The following TMEM135 variants were observed in gnomAD, a reference collection of about 807,000 sequenced individuals.
TMEM135 encodes the protein transmembrane protein 135, also known as peroxisomal membrane protein 52.
TMEM135 carries 30 observed loss-of-function variants against 60.3 expected under a neutral mutation model. That is an observed-to-expected ratio of 0.50 (90% confidence interval 0.37 to 0.68). The LOEUF is 0.68. Ranked by LOEUF, TMEM135 falls within the 30% of genes least tolerant of loss-of-function variation. TMEM135 has a pLI of 0.00. For synonymous variants in TMEM135, 190 were observed against 186.7 expected, an observed-to-expected ratio of 1.02 and a Z score of -0.14; for missense variants, 468 against 548.8, an observed-to-expected ratio of 0.85 and a Z score of 1.47.
chr11:87,069,163 G>C (rs1379927176), intron 2 of TMEM135, among the ~76,000 whole-genome samples: 1 of 151,528 alleles, frequency 6.6e-6, no homozygotes, highest in Non-Finnish European at 1.5e-5. Context: ...GCATGCGCCT[G>C]TAGTCCCATC....
chr11:87,043,560 T>A (rs902159838), intron 1 of TMEM135, among the ~76,000 whole-genome samples: 2 of 151,786 alleles, frequency 1.3e-5, no homozygotes, highest in African/African-American at 4.9e-5. Flanking sequence ...CCGTCTCTAC[T>A]AAAAATACAA....
intron 4 of TMEM135, among the ~76,000 whole-genome samples, chr11:87,118,418 TG>T (rs796173662): frequency 2.6e-4 from 40 of 152,212 alleles, no homozygotes; most frequent in African/African-American, 9.4e-4. Context: ...TCAACAATCT[TG>T]GCTAGATCTT....
chr11:87,049,643 C>T (rs1949824209), intron 1 of TMEM135, among the ~76,000 whole-genome samples: 1 of 111,370 alleles, frequency 9.0e-6, no homozygotes, highest in East Asian at 2.7e-4. Context: ...GCACCCAATA[C>T]AGGAGCACCC....
At chr11:87,132,373 G>A (rs952525282) in intron 4 of TMEM135, among the ~76,000 whole-genome samples, 5 of 152,082 alleles carry the variant, frequency 3.3e-5, no homozygotes, top group African/African-American at 4.8e-5. Context: ...TGTTATTAGA[G>A]TTTTGCATAG....
chr11:87,120,520 G>A (rs1418487833), intron 4 of TMEM135, among the ~76,000 whole-genome samples: 1 of 124,984 alleles, frequency 8.0e-6, no homozygotes, highest in East Asian at 2.6e-4. Context: ...CACCCAGGCT[G>A]GATTGCAGTG....
At chr11:87,096,524 T>A (rs1011814391) in intron 4 of TMEM135, 2 of 152,314 alleles carry the variant, frequency 1.3e-5, no homozygotes, top group Non-Finnish European at 2.9e-5. Context: ...ATTGATCACA[T>A]ATGCTTTAAT....
chr11:87,100,119 T>G (rs1041383595), intron 4 of TMEM135, among the ~76,000 whole-genome samples: 3 of 152,198 alleles, frequency 2.0e-5, no homozygotes, highest in African/African-American at 7.2e-5. Flanking sequence ...CTGTAAATTT[T>G]AGTATTAGAA....
intron 5 of TMEM135, among the ~76,000 whole-genome samples, chr11:87,205,222 A>G (rs992693986): frequency 1.3e-5 from 2 of 152,228 alleles, no homozygotes; most frequent in African/African-American, 4.8e-5. Context: ...TAAATAAGAC[A>G]TGGGAGCATG....
At chr11:87,219,892 C>G (rs557938918) in intron 5 of TMEM135, among the ~76,000 whole-genome samples, 14 of 152,184 alleles carry the variant, frequency 9.2e-5, no homozygotes. Context: ...AATATGCAAA[C>G]TTTTCTTCTA....
rs773352717 is a variant in TMEM135, at chr11:87,324,942, A to G, written c.*3609A>G. The G allele has an allele frequency of 2.9e-5, 13 of 454,070 alleles. No homozygotes were observed. Among genetic ancestry groups the G allele is most frequent in the South Asian group, 2.0e-4 (13 of 64,474 alleles). 28.1% of individuals were successfully genotyped at this position (454,070 alleles called of 1,614,324 possible). A position where few individuals can be genotyped will look rare whatever the true frequency, so the allele number is the denominator to read the frequency against. ...AAAAAATACAAGAAAAGGAATAAGA[A>G]GTGATTATTTTCTTTAGGGCTGCAC... On this transcript the variant is annotated 3_prime_UTR_variant, in exon 15 of 15. Coordinates refer to ENST00000305494, the MANE Select transcript of TMEM135 (RefSeq NM_022918.4).
At chr11:87,040,257 C>A (rs1487544860) in intron 1 of TMEM135, among the ~76,000 whole-genome samples, 2 of 152,136 alleles carry the variant, frequency 1.3e-5, no homozygotes, top group African/African-American at 4.8e-5. Flanking sequence ...ATGGGTGGGG[C>A]TACTTGGAGC....
chr11:87,126,051 T>G (rs1937716752), intron 4 of TMEM135, among the ~76,000 whole-genome samples: 1 of 152,188 alleles, frequency 6.6e-6, no homozygotes, highest in Non-Finnish European at 1.5e-5. Context: ...AGGAACAATA[T>G]TTTATTGTAT....
chr11:87,178,692 C>T (rs1939443166), intron 5 of TMEM135: 1 of 358,326 alleles, frequency 2.8e-6, no homozygotes, highest in South Asian at 2.1e-5. Flanking sequence ...TCCCAAATTG[C>T]TGGGATTATA....
chr11:87,096,816 T>A (rs1857341348), intron 4 of TMEM135, among the ~76,000 whole-genome samples: 1 of 152,200 alleles, frequency 6.6e-6, no homozygotes, highest in African/African-American at 2.4e-5. Flanking sequence ...TTGGTAGAAG[T>A]TTTAACCATC....
intron 5 of TMEM135, among the ~76,000 whole-genome samples, chr11:87,172,495 G>A (rs1198536886): frequency 6.7e-6 from 1 of 149,196 alleles, no homozygotes; most frequent in Non-Finnish European, 1.5e-5. Flanking sequence ...TATTAGAATG[G>A]ATTTTTTTTA....
intron 1 of TMEM135, among the ~76,000 whole-genome samples, chr11:87,057,546 A>C (rs1250605795): frequency 2.6e-5 from 4 of 152,180 alleles, no homozygotes; most frequent in Non-Finnish European, 5.9e-5. Flanking sequence ...TTCTTCATTT[A>C]TAAGTAGAAG....
Position 87,157,319 on chromosome 11 carries a change from GTTTT to G in TMEM135, c.397-13_397-10del, listed in dbSNP as rs59532014. On this transcript the variant is annotated intron_variant, in intron 4 of 14. Coordinates refer to ENST00000305494, the MANE Select transcript of TMEM135 (RefSeq NM_022918.4). ...AGATTGTAGATCATATATTTTTGCT[GTTTT>G]TTTTTTTTAATTTACAGGCCACAGA... 9.7e-6 allele frequency: 13 copies of G among 1,335,288 alleles called. No individual in the cohort carries two copies. The highest frequency in any genetic ancestry group is 1.3e-5 in the Non-Finnish European group (12 of 957,826). The allele number at this position is 1,335,288 out of a possible 1,614,324, so 82.7% of individuals were successfully genotyped here.
intron 4 of TMEM135, among the ~76,000 whole-genome samples, chr11:87,124,197 T>C (rs923763561): frequency 1.3e-5 from 2 of 152,112 alleles, no homozygotes; most frequent in Non-Finnish European, 2.9e-5. Context: ...GATAAAAAAA[T>C]AGGAATTAAG....
chr11:87,280,752 A>G (rs6592343), intron 6 of TMEM135, among the ~76,000 whole-genome samples: 55,729 of 152,114 alleles, frequency 0.37, 10,877 homozygotes, highest in Non-Finnish European at 0.43. Flanking sequence ...AGCACTTGCA[A>G]CCTGCCTGGC....
Sources: gnomAD v4.1 joint callset for allele counts (sites outside exome capture counted in the v4.1 genomes callset) on GRCh38, gnomAD v4.1.1 for gene constraint, MANE v1.5 for transcripts, NCBI Gene and HGNC (gene_info 2026-07-23, HGNC 2026-07-21) for gene names.